CENPW: variants seen among roughly 807,000 people sequenced by gnomAD.
CENPW encodes centromere protein W.
In CENPW, 3 loss-of-function variants were observed where a neutral mutation model predicts 11.1. The ratio of observed to expected loss-of-function variants is 0.27; its 90% CI spans 0.12 to 0.70. The LOEUF is 0.70. Among genes scored for constraint, CENPW ranks in the 30% least tolerant of loss-of-function variants. The pLI, the probability that CENPW is intolerant of heterozygous loss-of-function variation, is 0.77. For missense variants in CENPW, 100 were observed against 105.6 expected (o/e 0.95, Z 0.23); for synonymous variants, 38 against 42.0 (o/e 0.91, Z 0.37).
the CENPW span, among the ~76,000 whole-genome samples, chr6:126,366,540 G>A: frequency 6.6e-6 from 1 of 152,108 alleles, no homozygotes; most frequent in Non-Finnish European, 1.5e-5. Context: ...GTACCTTTGA[G>A]ATTGAATAAT....
At chr6:126,393,636 G>A in the CENPW span, among the ~76,000 whole-genome samples, 3 of 151,268 alleles carry the variant, frequency 2.0e-5, no homozygotes, top group Non-Finnish European at 4.4e-5. Flanking sequence ...TGTGGACAGA[G>A]AAGATGCTTG....
chr6:126,459,834 A>C, the CENPW span, among the ~76,000 whole-genome samples: 1 of 151,472 alleles, frequency 6.6e-6, no homozygotes, highest in Non-Finnish European at 1.5e-5. Context: ...ATTCTCTTGT[A>C]ATTCGGGGAC....
Position 126,340,193 on chromosome 6 carries a change from C to T in CENPW, c.-81C>T. On this transcript the variant is annotated 5_prime_UTR_variant, in exon 1 of 3. Coordinates refer to ENST00000368328, the MANE Select transcript of CENPW (RefSeq NM_001012507.4). ...AGCGTCATACGGACCGGATTGTTTT[C>T]GCTGGCCCAGTGTCCCCGGAGCTTG... The T allele has an allele frequency of 6.7e-6, 9 of 1,342,792 alleles. No individual in the cohort carries two copies. Among genetic ancestry groups the T allele is most frequent in the Non-Finnish European group, 8.4e-6 (8 of 950,576 alleles). The allele number at this position is 1,342,792 out of a possible 1,614,324, so 83.2% of individuals were successfully genotyped here.
At chr6:126,362,075 G>A in the CENPW span, among the ~76,000 whole-genome samples, 1 of 152,156 alleles carries the variant, frequency 6.6e-6, no homozygotes, top group African/African-American at 2.4e-5. Context: ...GGAGTGGGTC[G>A]ACAGGGGCCC....
chr6:126,343,160 T>A lies in CENPW; in HGVS notation c.126+2761T>A, dbSNP rs536092909. On this transcript the variant is annotated intron_variant, in intron 1 of 2. Coordinates refer to ENST00000368328, the MANE Select transcript of CENPW (RefSeq NM_001012507.4). Reference sequence around the variant, plus strand: ...TTATAAATTTTCTTTTGATTTCTTTTTCAAGCAAGCAGATTTTTAAAAGTA... The same window carrying A: ...TTATAAATTTTCTTTTGATTTCTTTATCAAGCAAGCAGATTTTTAAAAGTA... Among the ~76,000 whole-genome samples the A allele has an allele frequency of 1.4e-4, 21 of 152,332 alleles. No individual in the cohort carries two copies. The South Asian group carries it at 3.9e-3, about 29-fold the overall frequency.
chr6:126,381,955 C>A, the CENPW span, among the ~76,000 whole-genome samples: 2 of 152,172 alleles, frequency 1.3e-5, no homozygotes, highest in African/African-American at 2.4e-5. Flanking sequence ...CGCAATTAAA[C>A]CCTGAAGGTG....
chr6:126,419,623 C>T, the CENPW span, among the ~76,000 whole-genome samples: 3 of 152,148 alleles, frequency 2.0e-5, no homozygotes, highest in African/African-American at 7.2e-5. Context: ...TATTACTTTA[C>T]AGTTCTGGAG....
At chr6:126,346,678 G>A (rs746553872) in intron 2 of CENPW, among the ~76,000 whole-genome samples, 92 of 152,116 alleles carry the variant, frequency 6.0e-4, no homozygotes, top group Non-Finnish European at 1.2e-3. Flanking sequence ...CTGCTATAAA[G>A]AAATACCCAA....
downstream of CENPW, among the ~76,000 whole-genome samples, chr6:126,349,249 C>T (rs1409203092): frequency 6.6e-6 from 1 of 152,076 alleles, no homozygotes; most frequent in Non-Finnish European, 1.5e-5. Flanking sequence ...ACAGTACACC[C>T]AGTTCCCCCA....
the CENPW span, among the ~76,000 whole-genome samples, chr6:126,376,095 T>G: frequency 6.6e-6 from 1 of 152,150 alleles, no homozygotes; most frequent in South Asian, 2.1e-4. Context: ...CTAACCCAGT[T>G]TTTATTTGGC....
rs182681565 is a variant in CENPW at position 126,345,709 on chromosome 6, G to A, written c.127-496G>A. 7.9e-5 allele frequency among the ~76,000 whole-genome samples: 12 copies of A among 151,892 alleles called. No individual in the cohort carries two copies. In the East Asian group the frequency reaches 2.1e-3, roughly 27 times the overall value. On this transcript the variant is annotated intron_variant, in intron 1 of 2. Transcript: ENST00000368328. ...CTTTGTACATACACTTTTCAATTTA[G>A]CAAACTTAAACAATTTCAACTATTA...
the CENPW span, among the ~76,000 whole-genome samples, chr6:126,462,910 TGTG>T: frequency 1.3e-5 from 2 of 152,028 alleles, no homozygotes; most frequent in South Asian, 2.1e-4. Context: ...ATTTTTAAAA[TGTG>T]GTAAATTTGT....
At chr6:126,445,268 G>A in the CENPW span, among the ~76,000 whole-genome samples, 1 of 151,060 alleles carries the variant, frequency 6.6e-6, no homozygotes, top group Admixed American at 6.6e-5. Flanking sequence ...TCTGATATAA[G>A]GTCAAATTTT....
chr6:126,458,611 A>G, the CENPW span, among the ~76,000 whole-genome samples: 1 of 151,460 alleles, frequency 6.6e-6, no homozygotes, highest in East Asian at 1.9e-4. Context: ...ATGAATTTTC[A>G]GGACGACACT....
At chr6:126,352,743 T>G (rs564634099), downstream of CENPW, among the ~76,000 whole-genome samples, 18 of 152,248 alleles carry the variant, frequency 1.2e-4, no homozygotes, top group South Asian at 3.1e-3. Context: ...TCTTAGTAAT[T>G]GGAATTTGCA....
At chr6:126,358,542 T>G in the CENPW span, among the ~76,000 whole-genome samples, 1 of 152,340 alleles carries the variant, frequency 6.6e-6, no homozygotes, top group Non-Finnish European at 1.5e-5. Flanking sequence ...CAGTGTTGCA[T>G]CCCAGGAATG....
chr6:126,444,946 C>G, the CENPW span, among the ~76,000 whole-genome samples: 9 of 151,214 alleles, frequency 6.0e-5, no homozygotes, highest in Non-Finnish European at 1.2e-4. Flanking sequence ...TGTTTCCACC[C>G]TGCTTCTACT....
the CENPW span, among the ~76,000 whole-genome samples, chr6:126,365,438 A>G: frequency 6.6e-6 from 1 of 152,160 alleles, no homozygotes; most frequent in Non-Finnish European, 1.5e-5. Flanking sequence ...GAAAGCAAGC[A>G]CATCTTATAT....
chr6:126,346,932 G>A (rs1256632588), intron 2 of CENPW, among the ~76,000 whole-genome samples: 1 of 151,988 alleles, frequency 6.6e-6, no homozygotes, highest in Non-Finnish European at 1.5e-5. Flanking sequence ...TGGGCAACAA[G>A]TGCGAAACTC....
Sources: allele counts gnomAD v4.1 joint callset (sites outside exome capture counted in the v4.1 genomes callset), GRCh38; gene constraint gnomAD v4.1.1; transcripts MANE v1.5; gene names NCBI Gene and HGNC (gene_info 2026-07-23, HGNC 2026-07-21).